The following KLF8 variants were observed in gnomAD, a reference collection of about 807,000 sequenced individuals.
KLF8 encodes Krueppel-like factor 8.
KLF8 carries 10 observed loss-of-function variants against 18.2 expected under a neutral mutation model. The ratio of observed to expected loss-of-function variants is 0.55; its 90% CI spans 0.34 to 0.93. The LOEUF is 0.93. Ranked by LOEUF, KLF8 falls within the 40% of genes least tolerant of loss-of-function variation. The probability of loss-of-function intolerance (pLI) is 0.02; values close to 1 mark genes in which losing one functional copy is unlikely to be tolerated. For missense variants in KLF8, 264 were observed against 277.9 expected (o/e 0.95, Z 0.36); for synonymous variants, 109 against 97.3 (o/e 1.12, Z -0.71).
chrX:56,136,911 A>G, the KLF8 span, among the ~76,000 whole-genome samples: 2 of 111,827 alleles, frequency 1.8e-5, no homozygotes, highest in Non-Finnish European at 3.8e-5. Flanking sequence ...TTTACAAGAA[A>G]AAAACAAACA....
chrX:56,166,226 T>G, the KLF8 span, among the ~76,000 whole-genome samples: 1 of 110,742 alleles, frequency 9.0e-6, no homozygotes, highest in Non-Finnish European at 1.9e-5. Context: ...TTTTACTTAA[T>G]AGTTAATATT....
chrX:56,164,729 C>CTTTTTTTTTTTTTTTTTTCTTTTTTT, the KLF8 span, among the ~76,000 whole-genome samples: 7 of 51,898 alleles, frequency 1.3e-4, no homozygotes, highest in Non-Finnish European at 1.3e-4. Context: ...CTTGTTATCT[C>CTTTTTTTTTTTTTTTTTTCTTTTTTT]TTTTTTTTTT....
At chrX:55,962,003 T>C in the KLF8 span, 1 of 165,069 alleles carries the variant, frequency 6.1e-6, no homozygotes, top group Non-Finnish European at 1.2e-5. Context: ...CATTAATTTT[T>C]GTCTCTACCA....
the KLF8 span, among the ~76,000 whole-genome samples, chrX:55,989,502 C>T: frequency 8.9e-6 from 1 of 112,316 alleles, no homozygotes; most frequent in East Asian, 2.8e-4. Flanking sequence ...TTCTGGATAA[C>T]GTTTACTGAT....
chrX:55,952,700 G>A, the KLF8 span, among the ~76,000 whole-genome samples: 1 of 111,968 alleles, frequency 8.9e-6, no homozygotes, highest in Admixed American at 9.5e-5. Flanking sequence ...AGATTCCAGG[G>A]ATTAGAATGT....
At chrX:56,031,868 T>A in the KLF8 span, among the ~76,000 whole-genome samples, 1 of 111,205 alleles carries the variant, frequency 9.0e-6, no homozygotes, top group Non-Finnish European at 1.9e-5. Context: ...CTCACAACGT[T>A]AAAGATTTTA....
chrX:56,257,485 A>G (rs1298821828), intron 2 of KLF8, among the ~76,000 whole-genome samples: 3 of 111,451 alleles, frequency 2.7e-5, no homozygotes, highest in Non-Finnish European at 5.7e-5. Context: ...CATAGTATTC[A>G]ATGGTTTTTC....
chrX:56,045,508 T>C, the KLF8 span, among the ~76,000 whole-genome samples: 3 of 112,387 alleles, frequency 2.7e-5, no homozygotes, highest in African/African-American at 9.7e-5. Context: ...ATATTCACAA[T>C]ATTGATTCTA....
the KLF8 span, among the ~76,000 whole-genome samples, chrX:56,094,099 A>G: frequency 9.0e-6 from 1 of 110,570 alleles, no homozygotes. Flanking sequence ...TATGGTAAAT[A>G]TTGGTCCAAC....
chrX:56,070,745 C>A, the KLF8 span, among the ~76,000 whole-genome samples: 1 of 112,053 alleles, frequency 8.9e-6, no homozygotes, highest in African/African-American at 3.3e-5. Flanking sequence ...ATGTAACAAA[C>A]CAGCACGTTC....
chrX:55,984,037 T>TAA, the KLF8 span, among the ~76,000 whole-genome samples: 53 of 109,233 alleles, frequency 4.9e-4, no homozygotes, highest in African/African-American at 1.7e-3. Flanking sequence ...TGTATATATA[T>TAA]AATGATATGG....
the KLF8 span, among the ~76,000 whole-genome samples, chrX:55,997,080 T>C: frequency 7.2e-5 from 8 of 111,269 alleles, no homozygotes; most frequent in Admixed American, 5.7e-4. Flanking sequence ...TTAGGCAGAG[T>C]CTGCTGGTAA....
intron 5 of KLF8, among the ~76,000 whole-genome samples, chrX:56,276,698 G>A (rs751465078): frequency 1.6e-4 from 18 of 110,834 alleles, no homozygotes; most frequent in Non-Finnish European, 2.6e-4. Context: ...TTGACCTTTG[G>A]GAGTTTAATT....
chrX:56,054,913 C>CT, the KLF8 span, among the ~76,000 whole-genome samples: 22 of 111,237 alleles, frequency 2.0e-4, no homozygotes, highest in Non-Finnish European at 2.1e-4. Flanking sequence ...TTTGTGCTTT[C>CT]TTTTTTTTCC....
chrX:56,065,764 G>C, the KLF8 span, among the ~76,000 whole-genome samples: 9 of 111,665 alleles, frequency 8.1e-5, no homozygotes, highest in Non-Finnish European at 1.5e-4. Flanking sequence ...GTTTGATTCT[G>C]GGTGTTTGCA....
At chrX:56,180,099 C>A in the KLF8 span, among the ~76,000 whole-genome samples, 2 of 111,418 alleles carry the variant, frequency 1.8e-5, no homozygotes, top group African/African-American at 6.5e-5. Flanking sequence ...TCGTAGAATT[C>A]GGCTGTGAAT....
the KLF8 span, among the ~76,000 whole-genome samples, chrX:56,053,798 G>A: frequency 2.9e-3 from 323 of 109,884 alleles, no homozygotes; most frequent in African/African-American, 0.01. Flanking sequence ...TATGCATTGT[G>A]GGTTATTATA....
chrX:56,251,708 A>G (rs1448203688), intron 2 of KLF8, among the ~76,000 whole-genome samples: 1 of 110,255 alleles, frequency 9.1e-6, no homozygotes, highest in Non-Finnish European at 1.9e-5. Context: ...TGATCCGCCC[A>G]CCTCGGCCTC....
At chrX:56,066,410 G>A in the KLF8 span, among the ~76,000 whole-genome samples, 1 of 112,279 alleles carries the variant, frequency 8.9e-6, no homozygotes, top group Non-Finnish European at 1.9e-5. Flanking sequence ...ATGGTAGACA[G>A]GGGCCTGGAT....
Sources: allele counts gnomAD v4.1 joint callset (sites outside exome capture counted in the v4.1 genomes callset), GRCh38; gene constraint gnomAD v4.1.1; transcripts MANE v1.5; gene names NCBI Gene and HGNC (gene_info 2026-07-23, HGNC 2026-07-21).